MCOLN2: variants seen among roughly 807,000 people sequenced by gnomAD.
The protein encoded by MCOLN2 is mucolipin-2.
A neutral mutation model predicts 67.5 loss-of-function variants in MCOLN2; 57 were observed. The ratio of observed to expected loss-of-function variants is 0.84; its 90% CI spans 0.68 to 1.05. The LOEUF (loss-of-function observed/expected upper bound fraction) is 1.05, where lower values mean the gene tolerates loss of function less well. Ranked by LOEUF, MCOLN2 falls within the 50% of genes least tolerant of loss-of-function variation. The pLI, the probability that MCOLN2 is intolerant of heterozygous loss-of-function variation, is 0.00. For synonymous variants in MCOLN2, 246 were observed against 233.3 expected (o/e 1.05, Z -0.50); for missense variants, 620 against 678.8 (o/e 0.91, Z 0.96).
chr1:84,956,299 T>TG, intron 4 of MCOLN2, 132 bp downstream of exon 4: 1 of 794,558 alleles, frequency 1.3e-6, no homozygotes, highest in South Asian at 1.7e-5. Context: ...AGGCCAGTGT[T>TG]GGAGTGTCAG....
At chr1:84,992,492 G>A (rs1179694291) in intron 1 of MCOLN2, among the ~76,000 whole-genome samples, 2 of 152,184 alleles carry the variant, frequency 1.3e-5, no homozygotes, top group East Asian at 3.8e-4. Context: ...TCAGATGATT[G>A]CCAAAGCAAA....
intron 1 of MCOLN2, among the ~76,000 whole-genome samples, chr1:84,967,762 AAAG>A (rs1649453386): frequency 3.3e-5 from 3 of 91,684 alleles, no homozygotes; most frequent in East Asian, 4.3e-4. Context: ...GGAAGGAGAA[AAAG>A]GAGAGAGGGA....
At chr1:84,955,432 G>GA (rs1256433721) in intron 4 of MCOLN2, among the ~76,000 whole-genome samples, 8 of 152,044 alleles carry the variant, frequency 5.3e-5, no homozygotes, top group African/African-American at 1.7e-4. Flanking sequence ...ATCCAAACAG[G>GA]AAAAAAATCA....
intron 1 of MCOLN2, among the ~76,000 whole-genome samples, chr1:84,992,366 A>T (rs967983828): frequency 6.6e-6 from 1 of 152,256 alleles, no homozygotes; most frequent in African/African-American, 2.4e-5. Context: ...GAATATGGAC[A>T]ACATTCGCTG....
At chr1:84,970,460 A>G (rs1388288951) in intron 1 of MCOLN2, among the ~76,000 whole-genome samples, 1 of 151,694 alleles carries the variant, frequency 6.6e-6, no homozygotes. Flanking sequence ...ACTTGAGGCC[A>G]GGAGTTTGAG....
chr1:84,973,043 C>A (rs1218694600), intron 1 of MCOLN2, among the ~76,000 whole-genome samples: 1 of 152,126 alleles, frequency 6.6e-6, no homozygotes, highest in African/African-American at 2.4e-5. Flanking sequence ...AGGACGTATG[C>A]AAGACCATTC....
intron 2 of MCOLN2, among the ~76,000 whole-genome samples, chr1:84,964,275 G>A (rs1201561217): frequency 6.6e-6 from 1 of 152,040 alleles, no homozygotes; most frequent in African/African-American, 2.4e-5. Context: ...GTTATGGCAG[G>A]GACCGTCTCC....
At chr1:84,926,755 GATACA>G in intron 13 of MCOLN2, 34 bp from the exon 14 acceptor site, 1 of 1,535,884 alleles carries the variant, frequency 6.5e-7, no homozygotes, top group South Asian at 1.2e-5. Context: ...AAAGAGGAAA[GATACA>G]ATACTTTAAC....
At chr1:84,979,179 A>G (rs1390046181) in intron 1 of MCOLN2, among the ~76,000 whole-genome samples, 1 of 152,220 alleles carries the variant, frequency 6.6e-6, no homozygotes, top group East Asian at 1.9e-4. Flanking sequence ...AATACTTTGT[A>G]TCCTTCAATC....
intron 7 of MCOLN2, among the ~76,000 whole-genome samples, chr1:84,943,170 T>G (rs1378027466): frequency 6.6e-6 from 1 of 152,136 alleles, no homozygotes; most frequent in East Asian, 1.9e-4. Flanking sequence ...TGGTCTGAGC[T>G]AAGTTGCGGC....
intron 11 of MCOLN2, among the ~76,000 whole-genome samples, chr1:84,937,091 G>T (rs1440631416): frequency 1.3e-5 from 2 of 152,098 alleles, no homozygotes; most frequent in Non-Finnish European, 2.9e-5. Flanking sequence ...TTACTTTTTT[G>T]GGTTAAAACC....
In MCOLN2 at chr1:84,958,560, G is replaced by A; in HGVS notation, c.380C>T (p.Ala127Val). The part of the protein sequence containing the change: ...YSCSVYTQED[A>V]YESIFFAINQ... Reference sequence around the variant, plus strand: ...AATAGCAAAAAAGATGCTCTCATAGGCATCCTCTTGAGTATATACACTGCA... The same window carrying A: ...AATAGCAAAAAAGATGCTCTCATAGACATCCTCTTGAGTATATACACTGCA... Residue 127 changes from alanine (A) to valine (V), a missense_variant, in exon 3 of 14, where the codon GCC becomes GTC. Ala to Val is a moderately conservative substitution (Grantham distance 64). Coordinates refer to ENST00000370608, the MANE Select transcript of MCOLN2 (RefSeq NM_153259.4). 3.1e-6 allele frequency: 5 copies of A among 1,603,756 alleles called. No individual in the cohort carries two copies. The highest frequency in any genetic ancestry group is 4.2e-6 in the Non-Finnish European group (5 of 1,177,886).
intron 2 of MCOLN2, among the ~76,000 whole-genome samples, chr1:84,965,160 C>T (rs1649310767): frequency 6.6e-6 from 1 of 152,092 alleles, no homozygotes; most frequent in Non-Finnish European, 1.5e-5. Context: ...AGATAGAGCA[C>T]ACTGTTATGA....
chr1:84,935,660 G>GT (rs1298302297), intron 11 of MCOLN2, among the ~76,000 whole-genome samples: 3 of 152,040 alleles, frequency 2.0e-5, no homozygotes, highest in Admixed American at 2.0e-4. Context: ...AATTTCATCT[G>GT]TTTTTTTATT....
At chr1:84,990,346 G>A (rs1650830258) in intron 1 of MCOLN2, among the ~76,000 whole-genome samples, 2 of 138,440 alleles carry the variant, frequency 1.4e-5, no homozygotes, top group Admixed American at 7.5e-5. Flanking sequence ...GCTAAATGAC[G>A]AGTTAATGGG....
In MCOLN2 at chr1:84,996,866, G is replaced by A. The variant is rs1171485672; in HGVS notation, c.7C>T (p.Arg3Trp). The A allele has an allele frequency of 3.7e-6, 6 of 1,614,006 alleles. No individual in the cohort carries two copies. Among genetic ancestry groups the A allele is most frequent in the South Asian group, 3.3e-5 (3 of 91,054 alleles). ...GCCTGGGGAAAACGATAAGGCTGCCGGGCCATGCCTCCTCCTTCAAAACTT... is the reference window on the plus strand; with the variant it reads ...GCCTGGGGAAAACGATAAGGCTGCCAGGCCATGCCTCCTCCTTCAAAACTT... MA[R>W]QPYRFPQARI... is the part of the protein sequence containing the mutation. The change falls in exon 1 of 14, where the codon CGG becomes TGG. Residue 3 changes from arginine to tryptophan, a missense_variant. Arg to Trp is a moderately radical substitution (Grantham distance 101). Transcript: ENST00000370608.
intron 6 of MCOLN2, among the ~76,000 whole-genome samples, chr1:84,951,394 A>G (rs940982299): frequency 1.5e-4 from 23 of 152,170 alleles, no homozygotes; most frequent in African/African-American, 5.5e-4. Flanking sequence ...AAGGAAGGCG[A>G]GAAGGACAGA....
At chr1:84,977,845 T>C (rs1650070770) in intron 1 of MCOLN2, among the ~76,000 whole-genome samples, 1 of 151,924 alleles carries the variant, frequency 6.6e-6, no homozygotes, top group African/African-American at 2.4e-5. Flanking sequence ...ATACAGAAAA[T>C]CAACAAAGAA....
chr1:84,956,437 C>G lies in MCOLN2; in HGVS notation c.559G>C (p.Glu187Gln). The change falls in exon 4 of 14, where the codon GAG (glutamate) becomes CAG (glutamine). Residue 187 changes from glutamate to glutamine, a missense_variant. Physicochemically the swap from Glu to Gln is conservative, Grantham distance 29 (BLOSUM62 2). Transcript: ENST00000370608. The stretch of plus-strand genomic sequence containing the variant: ...GAAATTATCACTGCATTACCGAGCT[C>G]AACGTCGTTGTCAATATTCAGTGTC... ...NETLNIDNDV[E>Q]LDCVQLDLQD... The G allele has an allele frequency of 6.2e-7, 1 of 1,611,364 alleles. No homozygotes were observed. Among genetic ancestry groups the G allele is most frequent in the Non-Finnish European group, 8.5e-7 (1 of 1,179,158 alleles).
Sources: allele counts gnomAD v4.1 joint callset (sites outside exome capture counted in the v4.1 genomes callset), GRCh38; gene constraint gnomAD v4.1.1; transcripts MANE v1.5; gene names NCBI Gene and HGNC (gene_info 2026-07-23, HGNC 2026-07-21).